PCSK4: variants seen among roughly 807,000 people sequenced by gnomAD.
The protein encoded by PCSK4 is testicular tissue protein Li 135.
In PCSK4, 64 loss-of-function variants were observed where a neutral mutation model predicts 80.3. The ratio of observed to expected loss-of-function variants is 0.80; its 90% CI spans 0.65 to 0.98. The LOEUF is 0.98. Ranked by LOEUF, PCSK4 falls within the 50% of genes least tolerant of loss-of-function variation. The pLI is 0.00. For missense variants in PCSK4, 1,213 were observed against 1,093.6 expected, an observed-to-expected ratio of 1.11 and a Z score of -1.54; for synonymous variants, 561 against 487.6, an observed-to-expected ratio of 1.15 and a Z score of -1.98.
chr19:1,486,427 G>A (rs532537993), intron 8 of PCSK4, among the ~76,000 whole-genome samples: 1 of 152,060 alleles, frequency 6.6e-6, no homozygotes, highest in South Asian at 2.1e-4. Flanking sequence ...CTCCCGAGTA[G>A]CTGGGACTAC....
intron 13 of PCSK4, 173 bp from the exon 14 acceptor site, chr19:1,482,648 C>T (rs937753207): frequency 1.5e-5 from 13 of 859,090 alleles, no homozygotes; most frequent in African/African-American, 5.1e-5. Flanking sequence ...CGACATCTCC[C>T]GGGTGACTGC....
exon 8 of PCSK4, chr19:1,486,915 C>T (rs142181980): frequency 1.4e-4 from 220 of 1,603,408 alleles, no homozygotes; most frequent in Non-Finnish European, 1.8e-4. Flanking sequence ...GCGCAGGCTT[C>T]GCTGTACCAG....
exon 15 of PCSK4, chr19:1,481,885 G>A: frequency 6.3e-7 from 1 of 1,592,842 alleles, no homozygotes; most frequent in South Asian, 1.1e-5. Flanking sequence ...TCACGGCCAG[G>A]AGGCTCAGCA....
chr19:1,483,975 C>A, intron 9 of PCSK4, 34 bp from the exon 10 acceptor site: 6 of 1,452,694 alleles, frequency 4.1e-6, no homozygotes, highest in Non-Finnish European at 5.5e-6. Flanking sequence ...GGGTGAGCCG[C>A]CGGGCCGCGC....
At chr19:1,487,295 C>T in exon 7 of PCSK4, 2 of 1,596,254 alleles carry the variant, frequency 1.3e-6, no homozygotes, top group Non-Finnish European at 1.7e-6. Flanking sequence ...GGTGATGGTA[C>T]CGTCCAGCAT....
upstream of PCSK4, chr19:1,490,438 T>C: frequency 1.8e-6 from 1 of 566,656 alleles, no homozygotes; most frequent in Non-Finnish European, 3.0e-6. Flanking sequence ...CCCGGCGCCA[T>C]AGCAACGCAG....
exon 4 of PCSK4, chr19:1,488,058 T>A: frequency 6.2e-7 from 1 of 1,613,340 alleles, no homozygotes; most frequent in African/African-American, 1.3e-5. Context: ...ACTCCAGGCC[T>A]GCAGGATGCT....
At chr19:1,484,392 C>G (rs2084493495) in intron 8 of PCSK4, among the ~76,000 whole-genome samples, 1 of 151,776 alleles carries the variant, frequency 6.6e-6, no homozygotes, top group Non-Finnish European at 1.5e-5. Context: ...GAGGCTGACA[C>G]AGGAGAATCA....
intron 2 of PCSK4, 47 bp from the exon 3 acceptor site, chr19:1,488,327 G>A (rs1041644337): frequency 2.7e-6 from 4 of 1,481,424 alleles, no homozygotes; most frequent in African/African-American, 2.8e-5. Context: ...TCGCCCCTGG[G>A]GCCCCTCGTG....
chr19:1,482,466 T>C (rs1019684713), exon 14 of PCSK4: 2 of 1,604,030 alleles, frequency 1.2e-6, no homozygotes, highest in African/African-American at 2.7e-5. Context: ...CGTGTAGCGG[T>C]ACAACGTCCC....
chr19:1,484,170 G>A (rs1462900646), intron 8 of PCSK4, 43 bp from the exon 9 acceptor site: 3 of 1,092,066 alleles, frequency 2.7e-6, no homozygotes, highest in Non-Finnish European at 2.7e-6. Context: ...CGTGCACAGT[G>A]AGAATACAGC....
intron 4 of PCSK4, 30 bp from the exon 5 acceptor site, chr19:1,487,891 G>T: frequency 6.4e-7 from 1 of 1,562,116 alleles, no homozygotes; most frequent in Non-Finnish European, 8.7e-7. Context: ...TGAGGGGGCC[G>T]GGAGGCGTCC....
chr19:1,482,848 AG>A (rs776797174), intron 13 of PCSK4, 47 bp downstream of exon 13: 2 of 1,593,498 alleles, frequency 1.3e-6, no homozygotes, highest in South Asian at 2.2e-5. Flanking sequence ...CCCTGGGGGG[AG>A]GTTGGAGAGC....
At chr19:1,488,654 C>T (rs1006239482) in intron 2 of PCSK4, among the ~76,000 whole-genome samples, 23 of 152,210 alleles carry the variant, frequency 1.5e-4, no homozygotes, top group African/African-American at 5.5e-4. Context: ...AATCTTGGCT[C>T]ACTGCAACCT....
chr19:1,482,817 C>G, intron 13 of PCSK4, 79 bp downstream of exon 13: 1 of 1,508,428 alleles, frequency 6.6e-7, no homozygotes, highest in Non-Finnish European at 9.1e-7. Flanking sequence ...GCAGTGCGGT[C>G]ACCAAGGCTA....
intron 8 of PCSK4, among the ~76,000 whole-genome samples, chr19:1,484,757 G>A (rs2084517254): frequency 6.6e-6 from 1 of 151,210 alleles, no homozygotes; most frequent in South Asian, 2.1e-4. Flanking sequence ...AGGTTGCAGT[G>A]AGCCAAGATC....
At chr19:1,490,551 C>T, upstream of PCSK4, 1 of 491,638 alleles carries the variant, frequency 2.0e-6, no homozygotes, top group Non-Finnish European at 3.6e-6. Context: ...CTTCCGCAGA[C>T]CCACACCCTC....
chr19:1,483,096 G>T, intron 12 of PCSK4, 76 bp from the exon 13 acceptor site: 1 of 1,389,650 alleles, frequency 7.2e-7, no homozygotes, highest in Non-Finnish European at 9.6e-7. Flanking sequence ...CCCATGAAGT[G>T]TCTGACCGCA....
At chr19:1,488,211 A>G in exon 3 of PCSK4, 1 of 1,613,498 alleles carries the variant, frequency 6.2e-7, no homozygotes, top group Non-Finnish European at 8.5e-7. Context: ...TTGGAGAACC[A>G]GGGGTCCGTG....
Sources: gnomAD v4.1 joint callset for allele counts (sites outside exome capture counted in the v4.1 genomes callset) on GRCh38, gnomAD v4.1.1 for gene constraint, MANE v1.5 for transcripts, NCBI Gene and HGNC (gene_info 2026-07-23, HGNC 2026-07-21) for gene names.